HEPACAM: variants seen among roughly 807,000 people sequenced by gnomAD.
HEPACAM encodes hepatic and glial cell adhesion molecule, also known as hepatocyte cell adhesion molecule.
HEPACAM carries 18 observed loss-of-function variants against 38.3 expected under a neutral mutation model. That is an observed-to-expected ratio of 0.47 (90% CI 0.33 to 0.70). The LOEUF (loss-of-function observed/expected upper bound fraction) is 0.70. Among genes scored for constraint, HEPACAM ranks in the 30% least tolerant of loss-of-function variants. HEPACAM has a pLI of 0.03. For missense variants in HEPACAM, 466 were observed against 563.0 expected (o/e 0.83, Z 1.74); for synonymous variants, 216 against 243.1 (o/e 0.89, Z 1.04).
intron 1 of HEPACAM, among the ~76,000 whole-genome samples, chr11:124,927,303 G>A (rs1473973683): frequency 6.6e-6 from 1 of 151,856 alleles, no homozygotes; most frequent in East Asian, 1.9e-4. Flanking sequence ...TCTGTATAAT[G>A]AAGTAGCAGG....
rs1947108909 is a variant in HEPACAM at position 124,920,262 on chromosome 11, T to C, written c.*876A>G. ...TTTTGTAAGGAAGCCAGGAGGAATA[T>C]ATGAGTTTGATGAGCTAAAACAGTT... On this transcript the variant is annotated 3_prime_UTR_variant, in exon 7 of 7. Coordinates refer to ENST00000298251, the MANE Select transcript of HEPACAM (RefSeq NM_152722.5). 1 of 954,234 alleles carries C rather than the reference T, an allele frequency of 1.0e-6. No homozygotes were observed. The highest frequency in any genetic ancestry group is 1.6e-6 in the Non-Finnish European group (1 of 643,216). The allele number at this position is 954,234 out of a possible 1,614,324, so 59.1% of individuals were successfully genotyped here. A position where few individuals can be genotyped will look rare whatever the true frequency, so the allele number is the denominator to read the frequency against.
chr11:124,922,550 A>G (rs1466809087), intron 5 of HEPACAM, 92 bp from the exon 6 acceptor site: 5 of 1,598,798 alleles, frequency 3.1e-6, no homozygotes, highest in Non-Finnish European at 4.3e-6. Flanking sequence ...ATGGCCCGCC[A>G]CAACCTCCAC....
intron 1 of HEPACAM, among the ~76,000 whole-genome samples, chr11:124,925,970 A>T (rs927145683): frequency 6.6e-6 from 1 of 152,180 alleles, no homozygotes; most frequent in Admixed American, 6.5e-5. Flanking sequence ...GGAGGCCAAG[A>T]TGGGCAGATC....
Position 124,923,956 on chromosome 11 carries a change from C to T in HEPACAM, c.482G>A (p.Ser161Asn). The change falls in exon 3 of 7, where the codon AGC becomes AAC. Residue 161 changes from serine to asparagine, a missense_variant. Coordinates refer to ENST00000298251, the MANE Select transcript of HEPACAM (RefSeq NM_152722.5). ...LVASTTVLEL[S>N]EAFTLNCSHE... ...TGAGCAGTTCAAGGTGAAGGCCTCGCTGAGCTCCAGCACAGTGGTTGAAGC... is the reference window on the plus strand; with the variant it reads ...TGAGCAGTTCAAGGTGAAGGCCTCGTTGAGCTCCAGCACAGTGGTTGAAGC... 1.2e-6 allele frequency: 2 copies of T among 1,612,200 alleles called. No homozygotes were observed. Among genetic ancestry groups the T allele is most frequent in the East Asian group, 4.5e-5 (2 of 44,878 alleles).
At chr11:124,922,704 G>A in intron 5 of HEPACAM, 41 bp downstream of exon 5, 1 of 1,614,234 alleles carries the variant, frequency 6.2e-7, no homozygotes, top group Non-Finnish European at 8.5e-7. Flanking sequence ...CCACTGATCT[G>A]ATTGTTGATG....
At chr11:124,923,699 T>A (rs1947168871) in intron 3 of HEPACAM, 30 bp downstream of exon 3, 2 of 1,613,422 alleles carry the variant, frequency 1.2e-6, no homozygotes, top group African/African-American at 1.3e-5. Context: ...GGGCTTTGAG[T>A]ACTAAAGGAA....
chr11:124,931,951 C>G (rs1947285681), intron 1 of HEPACAM, among the ~76,000 whole-genome samples: 2 of 152,174 alleles, frequency 1.3e-5, no homozygotes, highest in Non-Finnish European at 2.9e-5. Context: ...TTAGATGAAT[C>G]CTACAAACTT....
chr11:124,926,771 G>A (rs1256551050), intron 1 of HEPACAM, among the ~76,000 whole-genome samples: 1 of 152,112 alleles, frequency 6.6e-6, no homozygotes, highest in East Asian at 1.9e-4. Flanking sequence ...AAACTGAGCT[G>A]TACCTTTTCA....
At chr11:124,926,720 G>A (rs1380319008) in intron 1 of HEPACAM, among the ~76,000 whole-genome samples, 1 of 152,090 alleles carries the variant, frequency 6.6e-6, no homozygotes, top group Non-Finnish European at 1.5e-5. Context: ...TTCTTTCTGA[G>A]CCTTATTTCT....
In HEPACAM at chr11:124,921,677, T is replaced by C. The variant is rs1037277369; in HGVS notation, c.949-237A>G. Among the ~76,000 whole-genome samples the C allele has an allele frequency of 6.6e-6, 1 of 151,960 alleles. No homozygotes were observed. Among genetic ancestry groups the C allele is most frequent in the African/African-American group, 2.4e-5 (1 of 41,410 alleles). On this transcript the variant is annotated intron_variant, in intron 6 of 6. Coordinates refer to ENST00000298251, the MANE Select transcript of HEPACAM (RefSeq NM_152722.5). This position sits in a 1 kb window ranked among gnomAD's most constrained non-coding sequence, Gnocchi z 4.6. The stretch of plus-strand genomic sequence containing the variant: ...TGAAATGCGATGATTTGAGTGCTTT[T>C]CCCCTTTACTCTCCTCTTTCCACCC...
chr11:124,924,744 G>A lies in HEPACAM; in HGVS notation c.411C>T (p.Ile137=). The change falls in exon 2 of 7, where the codon ATC becomes ATT. Residue 137 remains isoleucine, a synonymous_variant. Coordinates refer to ENST00000298251, the MANE Select transcript of HEPACAM (RefSeq NM_152722.5). The surrounding 1 kb of genome is among the most constrained non-coding windows in gnomAD (Gnocchi z 4.4). The part of the protein sequence containing the change: ...TDDTFTGEKT[I]NLTVDVPISR... ...GCGCTTTACCATCTACAGTAAGGTT[G>A]ATGGTCTTCTCCCCAGTGAAGGTGT... 6.2e-7 allele frequency: 1 copy of A among 1,614,024 alleles called. No homozygotes were observed. Among genetic ancestry groups the A allele is most frequent in the Middle Eastern group, 1.6e-4 (1 of 6,062 alleles).
intron 1 of HEPACAM, among the ~76,000 whole-genome samples, chr11:124,928,869 G>T (rs138376557): frequency 6.6e-6 from 1 of 152,144 alleles, no homozygotes; most frequent in Non-Finnish European, 1.5e-5. Context: ...TGACCACCTT[G>T]GGCACATGTC....
chr11:124,921,333 C>T lies in HEPACAM; in HGVS notation c.1056G>A (p.Gly352=), dbSNP rs1565337312. Residue 352 remains glycine (G), a synonymous_variant, in exon 7 of 7, where the codon GGG becomes GGA. Coordinates refer to ENST00000298251, the MANE Select transcript of HEPACAM (RefSeq NM_152722.5). This position sits in a 1 kb window ranked among gnomAD's most constrained non-coding sequence, Gnocchi z 4.6. The part of the protein sequence containing the change: ...VSPAVPGRSP[G]LPIRSARRYP... Reference sequence around the variant, plus strand: ...AGCGGCGGGCAGAGCGGATGGGCAGCCCCGGCGAGCGGCCGGGCACGGCGG... The same window carrying T: ...AGCGGCGGGCAGAGCGGATGGGCAGTCCCGGCGAGCGGCCGGGCACGGCGG... 2 of 1,269,504 alleles carry T rather than the reference C, an allele frequency of 1.6e-6. No individual in the cohort carries two copies. Among genetic ancestry groups the T allele is most frequent in the Non-Finnish European group, 2.0e-6 (2 of 1,012,504 alleles). 78.6% of individuals were successfully genotyped at this position (1,269,504 alleles called of 1,614,324 possible).
In HEPACAM at chr11:124,921,726, A is replaced by T. The variant is rs1947141789; in HGVS notation, c.949-286T>A. Reference sequence around the variant, plus strand: ...CCGTCGTGGACAGCCTGGGACAGTTAGTTGTGGAATACTGGGGAAATCACC... The same window carrying T: ...CCGTCGTGGACAGCCTGGGACAGTTTGTTGTGGAATACTGGGGAAATCACC... On this transcript the variant is annotated intron_variant, in intron 6 of 6. Transcript: ENST00000298251. The surrounding 1 kb of genome is among the most constrained non-coding windows in gnomAD (Gnocchi z 4.6). 6.6e-6 allele frequency among the ~76,000 whole-genome samples: 1 copy of T among 152,132 alleles called. No homozygotes were observed. The highest frequency in any genetic ancestry group is 2.1e-4 in the South Asian group (1 of 4,834).
intron 1 of HEPACAM, among the ~76,000 whole-genome samples, chr11:124,926,935 C>G (rs1447826571): frequency 6.6e-6 from 1 of 152,114 alleles, no homozygotes; most frequent in African/African-American, 2.4e-5. Flanking sequence ...GTGGCACAAT[C>G]TCAGCTCACT....
chr11:124,933,027 C>T (rs1947296833), intron 1 of HEPACAM, among the ~76,000 whole-genome samples: 1 of 152,088 alleles, frequency 6.6e-6, no homozygotes, highest in South Asian at 2.1e-4. Flanking sequence ...AAACATTTTC[C>T]TAAATAATAT....
chr11:124,925,797 A>G (rs2135400946), intron 1 of HEPACAM, among the ~76,000 whole-genome samples: 1 of 152,338 alleles, frequency 6.6e-6, no homozygotes, highest in South Asian at 2.1e-4. Flanking sequence ...AGGATTTGCG[A>G]TGGGTAGAAC....
intron 1 of HEPACAM, among the ~76,000 whole-genome samples, chr11:124,926,738 C>T (rs1452213109): frequency 6.6e-6 from 1 of 152,270 alleles, no homozygotes; most frequent in East Asian, 1.9e-4. Context: ...TCTCACTCTG[C>T]TGCTGCTGCC....
At position 124,919,736 on chromosome 11, in the gene HEPACAM, C is replaced by G. The variant is rs756900952; in HGVS notation, c.*1402G>C. On this transcript the variant is annotated 3_prime_UTR_variant, in exon 7 of 7. Transcript: ENST00000298251. ...CCTTTGGGGCTGAGACAAAACTTGA[C>G]CTGGTGTGGAGGTGATGGGTAACTG... The G allele has an allele frequency of 6.2e-7, 1 of 1,611,670 alleles. No individual in the cohort carries two copies. The highest frequency in any genetic ancestry group is 8.5e-7 in the Non-Finnish European group (1 of 1,178,848).
Sources: gnomAD v4.1 joint callset for allele counts (sites outside exome capture counted in the v4.1 genomes callset) on GRCh38, gnomAD v4.1.1 for gene constraint, Gnocchi (gnomAD v3.1) non-coding constraint, MANE v1.5 for transcripts, NCBI Gene and HGNC (gene_info 2026-07-23, HGNC 2026-07-21) for gene names.